Variants in TENT4B observed in about 807,000 individuals in gnomAD.
TENT4B encodes the protein terminal nucleotidyltransferase 4B, also known as PAP associated domain containing 5.
Under a neutral mutation model 75.0 loss-of-function variants are expected in TENT4B, and 10 were observed. The observed-to-expected ratio is 0.13, with a 90% CI of 0.08 to 0.23. The LOEUF is 0.23. Among genes scored for constraint, TENT4B ranks in the 10% least tolerant of loss-of-function variants. The pLI is 1.00. For missense variants in TENT4B, 579 were observed against 893.8 expected (o/e 0.65, Z 4.49); for synonymous variants, 350 against 357.7 (o/e 0.98, Z 0.24).
intron 1 of TENT4B, among the ~76,000 whole-genome samples, chr16:50,155,272 GGTGTGTGTGTGTGTGTGTGT>G (rs60683678): frequency 7.4e-5 from 10 of 135,370 alleles, no homozygotes; most frequent in African/African-American, 1.1e-4. Context: ...GGGTCTCGTG[GGTGTGTGTGTGTGTGTGTGT>G]GTGTGTGTGT....
chr16:50,196,234 A>G (rs946895399), intron 1 of TENT4B, among the ~76,000 whole-genome samples: 2 of 152,250 alleles, frequency 1.3e-5, no homozygotes, highest in South Asian at 2.1e-4. Context: ...GTGCATATCC[A>G]GAAAATGTCA....
At chr16:50,179,032 G>A (rs1278479491) in intron 1 of TENT4B, among the ~76,000 whole-genome samples, 1 of 152,160 alleles carries the variant, frequency 6.6e-6, no homozygotes, top group Non-Finnish European at 1.5e-5. Flanking sequence ...TCAGGATGGT[G>A]TTGACAGTGA....
intron 1 of TENT4B, among the ~76,000 whole-genome samples, chr16:50,184,941 G>A (rs1447844734): frequency 2.6e-5 from 4 of 152,078 alleles, no homozygotes; most frequent in African/African-American, 9.7e-5. Context: ...GGTTCTGAGT[G>A]TTAATTGAGC....
chr16:50,171,502 G>A (rs74683046), intron 1 of TENT4B, among the ~76,000 whole-genome samples: 2,271 of 152,204 alleles, frequency 0.015, 66 homozygotes, highest in African/African-American at 0.052. Flanking sequence ...GGGCTATTTC[G>A]TCCTAATAAG....
chr16:50,177,558 A>G (rs572798607), intron 1 of TENT4B, among the ~76,000 whole-genome samples: 1 of 152,220 alleles, frequency 6.6e-6, no homozygotes, highest in East Asian at 1.9e-4. Flanking sequence ...TTTGGTGTCC[A>G]TAGGTTCAGA....
At chr16:50,227,617 G>T (rs1440828332) in intron 10 of TENT4B, among the ~76,000 whole-genome samples, 1 of 151,680 alleles carries the variant, frequency 6.6e-6, no homozygotes, top group Non-Finnish European at 1.5e-5. Context: ...TCAGATGTGG[G>T]CAGTGGATTT....
At position 50,229,750 on chromosome 16, in the gene TENT4B, C is replaced by T. The variant is rs1596763503; in HGVS notation, c.*422C>T. ...AAACAAAGGTATCTGATAGGAAGTC[C>T]AGATTCCAAAGGGGAAAGTGATCTG... On this transcript the variant is annotated 3_prime_UTR_variant, in exon 12 of 12. Coordinates refer to ENST00000561678, the MANE Select transcript of TENT4B (RefSeq NM_001365324.3). The T allele has an allele frequency of 1.6e-5, 16 of 985,774 alleles. No homozygotes were observed. The highest frequency in any genetic ancestry group is 1.8e-5 in the Non-Finnish European group (15 of 830,582). The allele number at this position is 985,774 out of a possible 1,614,324, so 61.1% of individuals were successfully genotyped here. A position where few individuals can be genotyped will look rare whatever the true frequency, so the allele number is the denominator to read the frequency against.
chr16:50,159,407 A>G (rs1162875675), intron 1 of TENT4B, among the ~76,000 whole-genome samples: 1 of 151,560 alleles, frequency 6.6e-6, no homozygotes, highest in Non-Finnish European at 1.5e-5. Flanking sequence ...ACCATGCCTA[A>G]TTTTGTATCT....
chr16:50,213,361 T>TC (rs1205981635), intron 2 of TENT4B, among the ~76,000 whole-genome samples: 2 of 152,124 alleles, frequency 1.3e-5, no homozygotes. Context: ...GCCCGGCCTA[T>TC]CCTTTTTTTA....
At position 50,186,709 on chromosome 16, in the gene TENT4B, A is replaced by G. The variant is rs189738431; in HGVS notation, c.639-24614A>G. On this transcript the variant is annotated intron_variant, in intron 1 of 11. Transcript: ENST00000561678. ...TTTTACCTTCCCACAAGCAAAGTTC[A>G]AGGGCTCCAGTCTCTCCCCATAAGG... Among the ~76,000 whole-genome samples the G allele has an allele frequency of 1.0e-3, 155 of 152,104 alleles. 1 individual carries two copies. Among genetic ancestry groups the G allele is most frequent in the African/African-American group, 3.7e-3 (152 of 41,492 alleles).
In TENT4B at chr16:50,223,403, A is replaced by C; in HGVS notation, c.1381+16A>C. Reference sequence around the variant, plus strand: ...TTACAACCAGGTATTGAAATTAGGTAAATTTGTGGGCATTCAAAGAGAGGG... The same window carrying C: ...TTACAACCAGGTATTGAAATTAGGTCAATTTGTGGGCATTCAAAGAGAGGG... On this transcript the variant is annotated intron_variant, in intron 7 of 11. Coordinates refer to ENST00000561678, the MANE Select transcript of TENT4B (RefSeq NM_001365324.3). 6.4e-7 allele frequency: 1 copy of C among 1,565,838 alleles called. No homozygotes were observed. Among genetic ancestry groups the C allele is most frequent in the Non-Finnish European group, 8.7e-7 (1 of 1,150,142 alleles).
intron 1 of TENT4B, among the ~76,000 whole-genome samples, chr16:50,166,419 G>C (rs1442865672): frequency 1.3e-5 from 2 of 152,074 alleles, no homozygotes; most frequent in African/African-American, 4.8e-5. Flanking sequence ...CTTTATTATA[G>C]CCAATCTAGT....
At chr16:50,197,279 T>C (rs1198204577) in intron 1 of TENT4B, among the ~76,000 whole-genome samples, 1 of 152,150 alleles carries the variant, frequency 6.6e-6, no homozygotes. Flanking sequence ...AGAAAAACCT[T>C]AGCCAAATTA....
chr16:50,211,046 TGGAAA>T (rs2031251094), intron 1 of TENT4B, among the ~76,000 whole-genome samples: 1 of 152,202 alleles, frequency 6.6e-6, no homozygotes, highest in Non-Finnish European at 1.5e-5. Flanking sequence ...AGATCAGAAG[TGGAAA>T]GGCAGAGGCC....
intron 1 of TENT4B, among the ~76,000 whole-genome samples, chr16:50,173,571 G>A (rs753194904): frequency 2.0e-5 from 3 of 152,132 alleles, no homozygotes; most frequent in Non-Finnish European, 2.9e-5. Flanking sequence ...TTAGCATTTG[G>A]TGTTGTCAGT....
intron 1 of TENT4B, among the ~76,000 whole-genome samples, chr16:50,158,694 G>T (rs1370603401): frequency 1.3e-5 from 2 of 152,152 alleles, no homozygotes; most frequent in East Asian, 3.9e-4. Context: ...CAGATCTGTA[G>T]ATGCTTTTTT....
chr16:50,208,367 G>C (rs2031099850), intron 1 of TENT4B, among the ~76,000 whole-genome samples: 1 of 152,180 alleles, frequency 6.6e-6, no homozygotes, highest in Non-Finnish European at 1.5e-5. Context: ...TTGCAGCACT[G>C]AAAGTGAATT....
chr16:50,201,467 G>T (rs552952030), intron 1 of TENT4B, among the ~76,000 whole-genome samples: 1 of 152,060 alleles, frequency 6.6e-6, no homozygotes, highest in South Asian at 2.1e-4. Context: ...AACCTGGGAG[G>T]CAGAGGTTGC....
intron 1 of TENT4B, among the ~76,000 whole-genome samples, chr16:50,182,945 C>T (rs1279541262): frequency 9.3e-6 from 1 of 107,992 alleles, no homozygotes; most frequent in Non-Finnish European, 1.7e-5. Context: ...GTTGCCTAGG[C>T]TGGGCTCAAG....
Sources: allele counts gnomAD v4.1 joint callset (sites outside exome capture counted in the v4.1 genomes callset), GRCh38; gene constraint gnomAD v4.1.1; transcripts MANE v1.5; gene names NCBI Gene and HGNC (gene_info 2026-07-23, HGNC 2026-07-21).